The following PSRC1 variants were observed in gnomAD, a reference collection of about 807,000 sequenced individuals.
The protein encoded by PSRC1 is proline and serine rich coiled-coil 1, also known as proline/serine-rich coiled-coil protein 1.
Under a neutral mutation model 31.9 loss-of-function variants are expected in PSRC1, and 30 were observed. The observed-to-expected ratio is 0.94, with a 90% CI of 0.70 to 1.28. The LOEUF (loss-of-function observed/expected upper bound fraction) is 1.28, where lower values mean the gene tolerates loss of function less well. PSRC1 is among the 50% of genes most tolerant of loss of function. The pLI is 0.00. For missense variants in PSRC1, 481 were observed against 472.8 expected (o/e 1.02, Z -0.16); for synonymous variants, 191 against 192.1 (o/e 0.99, Z 0.05).
In PSRC1 at chr1:109,281,657, G is replaced by A. The variant is rs371090379; in HGVS notation, c.481C>T (p.Arg161Trp). The stretch of plus-strand genomic sequence containing the variant: ...GAGGGCCTCTTTCCAGATGTAGCCC[G>A]GAGAGCCCTGACTGACCCCTTCCTA... The change falls in exon 4 of 7, where the codon CGG becomes TGG. Residue 161 changes from arginine (R) to tryptophan (W), a missense_variant. Physicochemically the swap from Arg to Trp is moderately radical, Grantham distance 101. Coordinates refer to ENST00000409138, the Ensembl canonical transcript of PSRC1. 63 of 1,613,766 alleles carry A rather than the reference G, an allele frequency of 3.9e-5. No individual in the cohort carries two copies. Among genetic ancestry groups the A allele is most frequent in the African/African-American group, 2.1e-4 (16 of 74,894 alleles).
chr1:109,280,433 G>T, exon 6 of PSRC1: 1 of 1,613,298 alleles, frequency 6.2e-7, no homozygotes, highest in Non-Finnish European at 8.5e-7. Context: ...CTGGGGGGCT[G>T]CAGATTGCTG....
chr1:109,282,500 G>T lies in PSRC1; in HGVS notation c.77+18C>A. The T allele has an allele frequency of 6.2e-7, 1 of 1,609,058 alleles. No homozygotes were observed. Among genetic ancestry groups the T allele is most frequent in the Non-Finnish European group, 8.5e-7 (1 of 1,175,998 alleles). On this transcript the variant is annotated intron_variant, in intron 3 of 6. Coordinates refer to ENST00000409138, the Ensembl canonical transcript of PSRC1. The stretch of plus-strand genomic sequence containing the variant: ...AGGTACTGTTAGAGGAAAATAAGTG[G>T]GATAAAGAGGCTGGTACCTGTCAGA...
exon 6 of PSRC1, chr1:109,280,406 C>T: frequency 6.2e-7 from 1 of 1,611,432 alleles, no homozygotes; most frequent in South Asian, 1.1e-5. Context: ...CTGGTAGGTC[C>T]TGGGACTGCC....
At chr1:109,281,159 C>A in exon 5 of PSRC1, 1 of 1,613,520 alleles carries the variant, frequency 6.2e-7, no homozygotes, top group Non-Finnish European at 8.5e-7. Flanking sequence ...TCCCACTGGG[C>A]CCGGCTCTCC....
exon 7 of PSRC1, chr1:109,280,053 G>T (rs1051409563): frequency 6.6e-7 from 1 of 1,517,208 alleles, no homozygotes; most frequent in Non-Finnish European, 9.2e-7. Flanking sequence ...CCTGTCCCTG[G>T]GCCAGAATCT....
chr1:109,281,148 C>T (rs569207773), exon 5 of PSRC1: 5 of 1,613,626 alleles, frequency 3.1e-6, no homozygotes, highest in East Asian at 4.5e-5. Context: ...GGCTGCTGCT[C>T]TCCCACTGGG....
At chr1:109,281,663 C>T in exon 4 of PSRC1, 1 of 1,614,054 alleles carries the variant, frequency 6.2e-7, no homozygotes, top group Non-Finnish European at 8.5e-7. Flanking sequence ...GCCCGGAGAG[C>T]CCTGACTGAC....
chr1:109,279,914 A>G (rs1656766530), exon 7 of PSRC1: 3 of 606,550 alleles, frequency 4.9e-6, no homozygotes, highest in African/African-American at 1.8e-5. Context: ...TCACTGCTGG[A>G]AGGTGACCTC....
exon 4 of PSRC1, chr1:109,281,636 G>T (rs1320831795): frequency 6.2e-6 from 10 of 1,612,008 alleles, no homozygotes; most frequent in Admixed American, 1.7e-5. Context: ...ATGTTGGAGG[G>T]CCTCTTTCCA....
At position 109,280,491 on chromosome 1, in the gene PSRC1, T is replaced by G; in HGVS notation, c.995-2A>C. On this transcript the variant is annotated splice_acceptor_variant, in intron 5 of 6. Coordinates refer to ENST00000409138, the Ensembl canonical transcript of PSRC1. LOFTEE classifies it high-confidence loss of function. ...GATTTAGTCGCTGGGAAACAGGAAC[T>G]TCATGGGGGTTAACAAAAGAAATGA... is the stretch of plus-strand genomic sequence containing the variant. 6.2e-7 allele frequency: 1 copy of G among 1,608,672 alleles called. No individual in the cohort carries two copies. Among genetic ancestry groups the G allele is most frequent in the Non-Finnish European group, 8.5e-7 (1 of 1,177,630 alleles).
rs180913727 is a variant in PSRC1 at position 109,282,986 on chromosome 1, C to G, written c.-34+88G>C. ...GGGGCGGCCTGCACGCCCCATCTTC[C>G]TCCCCGCCACTATCCTCAGGGTTCT... On this transcript the variant is annotated intron_variant, in intron 1 of 6. Transcript: ENST00000409138. 3 of 569,694 alleles carry G rather than the reference C, an allele frequency of 5.3e-6. No individual in the cohort carries two copies. In the East Asian group the frequency reaches 8.8e-5, roughly 17 times the overall value. The allele number at this position is 569,694 out of a possible 1,614,324, so 35.3% of individuals were successfully genotyped here.
exon 7 of PSRC1, chr1:109,279,776 G>A (rs769849707): frequency 7.3e-5 from 18 of 247,668 alleles, no homozygotes; most frequent in African/African-American, 1.3e-4. Context: ...TACGGAGGCC[G>A]CTCACGTGGA....
intron 5 of PSRC1, 80 bp downstream of exon 6, chr1:109,280,696 CA>C: frequency 8.2e-7 from 1 of 1,219,818 alleles, no homozygotes; most frequent in Non-Finnish European, 1.1e-6. Context: ...ATAAGGATGG[CA>C]AAAGTGGTCA....
intron 5 of PSRC1, 32 bp from the exon 7 acceptor site, chr1:109,280,521 G>T: frequency 6.4e-7 from 1 of 1,567,092 alleles, no homozygotes; most frequent in Non-Finnish European, 8.7e-7. Flanking sequence ...AAATGAGTTA[G>T]CAGCAAGTTT....
chr1:109,280,936 T>C lies in PSRC1; in HGVS notation c.835A>G (p.Ile279Val), dbSNP rs1216321169. The C allele has an allele frequency of 3.1e-6, 5 of 1,613,364 alleles. No individual in the cohort carries two copies. The highest frequency in any genetic ancestry group is 2.5e-6 in the Non-Finnish European group (3 of 1,179,784). ...GCAGGCCTGGGGATGGCCGAGGGAA[T>C]GGGCAGTTGACTGGAAGATTTAGCA... is the stretch of plus-strand genomic sequence containing the variant. Residue 279 changes from isoleucine to valine, a missense_variant, in exon 5 of 7, where the codon ATT (isoleucine) becomes GTT (valine). Physicochemically the swap from Ile to Val is conservative, Grantham distance 29 (BLOSUM62 3). Transcript: ENST00000409138.
intron 4 of PSRC1, 144 bp from the exon 5 acceptor site, chr1:109,281,395 C>T (rs1271731636): frequency 1.3e-6 from 1 of 749,536 alleles, no homozygotes; most frequent in East Asian, 2.7e-5. Flanking sequence ...CACCACATCA[C>T]CATCACCATC....
At chr1:109,281,485 C>T in intron 4 of PSRC1, 134 bp downstream of exon 4, 1 of 908,612 alleles carries the variant, frequency 1.1e-6, no homozygotes, top group East Asian at 2.5e-5. Context: ...TCTCTTTTTT[C>T]ATGGTTCTCA....
chr1:109,281,651 T>C, exon 4 of PSRC1: 6 of 1,613,696 alleles, frequency 3.7e-6, no homozygotes, highest in Non-Finnish European at 5.1e-6. Context: ...TTTCCAGATG[T>C]AGCCCGGAGA....
exon 4 of PSRC1, chr1:109,281,805 A>G (rs368111975): frequency 5.6e-6 from 9 of 1,613,886 alleles, no homozygotes; most frequent in Non-Finnish European, 7.6e-6. Flanking sequence ...CCCGCCGAGG[A>G]CTGGGCTTCA....
Sources: gnomAD v4.1 joint callset for allele counts on GRCh38, gnomAD v4.1.1 for gene constraint, MANE v1.5 for transcripts, NCBI Gene and HGNC (gene_info 2026-07-23, HGNC 2026-07-21) for gene names.